The following ZFHX3 variants were observed in gnomAD, a reference collection of about 807,000 sequenced individuals.
ZFHX3 encodes zinc finger homeobox protein 3.
In ZFHX3, 42 loss-of-function variants were observed where a neutral mutation model predicts 279.1. That is an observed-to-expected ratio of 0.15 (90% CI 0.12 to 0.19). ZFHX3 has a LOEUF of 0.19. Ranked by LOEUF, ZFHX3 falls within the 10% of genes least tolerant of loss-of-function variation. The pLI, the probability that ZFHX3 is intolerant of heterozygous loss-of-function variation, is 1.00. For synonymous variants in ZFHX3, 2,293 were observed against 1,957.8 expected (o/e 1.17, Z -4.52); for missense variants, 4,981 against 4,754.0 (o/e 1.05, Z -1.40).
intron 2 of ZFHX3, among the ~76,000 whole-genome samples, chr16:73,557,856 G>A (rs779897893): frequency 2.7e-4 from 41 of 152,134 alleles, no homozygotes; most frequent in Non-Finnish European, 5.3e-4. Context: ...GAGTTGCTCT[G>A]GTTCACACAC....
intron 8 of ZFHX3, among the ~76,000 whole-genome samples, chr16:73,088,547 C>T (rs987084024): frequency 1.3e-5 from 2 of 152,136 alleles, no homozygotes; most frequent in Non-Finnish European, 2.9e-5. Context: ...ATCTGCATGT[C>T]GATTCTAGGT....
chr16:73,726,689 C>A (rs551262134), intron 1 of ZFHX3, among the ~76,000 whole-genome samples: 1 of 152,258 alleles, frequency 6.6e-6, no homozygotes, highest in South Asian at 2.1e-4. Flanking sequence ...CCATCACACG[C>A]AACAGCGGGA....
At chr16:73,715,301 C>G (rs1321648899) in intron 1 of ZFHX3, among the ~76,000 whole-genome samples, 1 of 152,188 alleles carries the variant, frequency 6.6e-6, no homozygotes, top group South Asian at 2.1e-4. Context: ...CAAATGAAAT[C>G]AAGCATGCTG....
At chr16:73,386,480 G>C (rs527963762) in intron 3 of ZFHX3, among the ~76,000 whole-genome samples, 2 of 152,220 alleles carry the variant, frequency 1.3e-5, no homozygotes, top group East Asian at 3.9e-4. Flanking sequence ...TAGTGGTTAC[G>C]TGTAAGACTA....
chr16:73,325,959 G>C (rs968077951), intron 3 of ZFHX3, among the ~76,000 whole-genome samples: 2 of 118,364 alleles, frequency 1.7e-5, no homozygotes, highest in African/African-American at 2.9e-5. Flanking sequence ...ACAGGGGAGA[G>C]TATACTGAGG....
chr16:73,063,456 T>C (rs1965711021), upstream of ZFHX3, among the ~76,000 whole-genome samples: 1 of 152,136 alleles, frequency 6.6e-6, no homozygotes, highest in South Asian at 2.1e-4. Flanking sequence ...CTGGTAGAGA[T>C]GCGGGGTGCG....
At position 72,788,255 on chromosome 16, in the gene ZFHX3, G is replaced by A; in HGVS notation, c.10021C>T (p.Leu3341=). 3 of 1,614,200 alleles carry A rather than the reference G, an allele frequency of 1.9e-6. No individual in the cohort carries two copies. The highest frequency in any genetic ancestry group is 2.5e-6 in the Non-Finnish European group (3 of 1,180,028). ...GACAGTGCAGGGCTGTAGGGGAACA[G>A]GCCTTCCATGCCATACATAGGCTGC... The part of the protein sequence containing the change: ...YLQPMYGMEG[L]FPYSPALSQA... The change falls in exon 10 of 10, where the codon CTG becomes TTG. Residue 3341 remains leucine, a synonymous_variant. Transcript: ENST00000268489.
chr16:72,958,598 A>T lies in ZFHX3; in HGVS notation c.1548T>A (p.Gly516=). 1 of 1,614,076 alleles carries T rather than the reference A, an allele frequency of 6.2e-7. No homozygotes were observed. Among genetic ancestry groups the T allele is most frequent in the Non-Finnish European group, 8.5e-7 (1 of 1,180,004 alleles). Residue 516 remains glycine, a synonymous_variant, in exon 2 of 10, where the codon GGT becomes GGA. Transcript: ENST00000268489. ...GAGCAAGGTCCTTTTTGCTGCTACT[A>T]CCTGCTGCGGCCCCAGGCTCCTCAT... ...RPHEEPGAAA[G]SSSKKDLALS...
At position 73,344,996 on chromosome 16, in the gene ZFHX3, C is replaced by T. The variant is rs940305626; in HGVS notation, c.-1290-26660G>A. On this transcript the variant is annotated intron_variant, in intron 3 of 17. Coordinates refer to the ZFHX3 transcript ENST00000641206. The stretch of plus-strand genomic sequence containing the variant: ...CTGGGTCCCTTGGGCCTTTGTTTTT[C>T]AAGCTGCACCAACTTGCCCTGTATC... 2.6e-5 allele frequency among the ~76,000 whole-genome samples: 4 copies of T among 152,132 alleles called. No homozygotes were observed. The East Asian group carries it at 7.7e-4, about 29-fold the overall frequency.
At chr16:73,314,550 A>G (rs768736540) in intron 4 of ZFHX3, among the ~76,000 whole-genome samples, 35 of 152,254 alleles carry the variant, frequency 2.3e-4, no homozygotes, top group Admixed American at 3.9e-4. Context: ...GTGCTCCTAC[A>G]TGGCATTCTC....
At chr16:73,200,512 T>C (rs1265880736) in intron 5 of ZFHX3, among the ~76,000 whole-genome samples, 1 of 152,180 alleles carries the variant, frequency 6.6e-6, no homozygotes, top group Non-Finnish European at 1.5e-5. Flanking sequence ...CAAAATGATA[T>C]TAAATAAAAG....
chr16:73,297,685 T>A (rs187795319), intron 4 of ZFHX3, among the ~76,000 whole-genome samples: 1 of 152,116 alleles, frequency 6.6e-6, no homozygotes, highest in Non-Finnish European at 1.5e-5. Flanking sequence ...GTAAGGAGAA[T>A]GCTGATGAGC....
rs553720752 is a variant in ZFHX3 at position 73,626,048 on chromosome 16, G to A, written c.-1547+54132C>T. ...AATTTTTCTATTTTTAGTAGAGACGGGGTTTCATCGTGTTAGCCAGGATGG... is the reference window on the plus strand; with the variant it reads ...AATTTTTCTATTTTTAGTAGAGACGAGGTTTCATCGTGTTAGCCAGGATGG... On this transcript the variant is annotated intron_variant, in intron 2 of 17. Transcript: ENST00000641206. 1.1e-3 allele frequency among the ~76,000 whole-genome samples: 169 copies of A among 152,138 alleles called. 1 individual carries two copies. Among genetic ancestry groups the A allele is most frequent in the Middle Eastern group, 3.4e-3 (1 of 294 alleles).
chr16:72,906,079 C>T (rs1829563869), intron 3 of ZFHX3, among the ~76,000 whole-genome samples: 1 of 152,104 alleles, frequency 6.6e-6, no homozygotes, highest in East Asian at 2.0e-4. Flanking sequence ...TCTGGGATCT[C>T]CAGCCTTCTG....
At chr16:73,278,551 T>C (rs1229230523) in intron 4 of ZFHX3, among the ~76,000 whole-genome samples, 4 of 152,202 alleles carry the variant, frequency 2.6e-5, no homozygotes, top group South Asian at 4.1e-4. Context: ...GAACAAAGCT[T>C]CCACACTGTG....
rs1326022022 is a variant in ZFHX3 at position 73,002,679 on chromosome 16, A to AAT, written c.-49-42487_-49-42486dup. On this transcript the variant is annotated intron_variant, in intron 1 of 9. Transcript: ENST00000268489. ...ATAGATGCTTACAGTAAATATCATA[A>AAT]ATAATTAAAGCTAAGTAGCCTAAGG... 2.6e-5 allele frequency among the ~76,000 whole-genome samples: 4 copies of AAT among 152,292 alleles called. 1 individual carries two copies. Among genetic ancestry groups the AAT allele is most frequent in the Non-Finnish European group, 5.9e-5 (4 of 68,016 alleles).
At chr16:73,257,650 T>C (rs2013696894) in intron 4 of ZFHX3, among the ~76,000 whole-genome samples, 1 of 152,252 alleles carries the variant, frequency 6.6e-6, no homozygotes, top group South Asian at 2.1e-4. Context: ...GAACGATTTA[T>C]GAAAACTTTT....
chr16:73,155,885 A>G lies in ZFHX3; in HGVS notation c.-1103-12054T>C, dbSNP rs560212703. On this transcript the variant is annotated intron_variant, in intron 5 of 17. Transcript: ENST00000641206. The stretch of plus-strand genomic sequence containing the variant: ...ATATATATATGACACATGTCATTAT[A>G]TATAGTACATATGCATATCATACAC... Among the ~76,000 whole-genome samples the G allele has an allele frequency of 5.9e-5, 9 of 152,198 alleles. No homozygotes were observed. The East Asian group carries it at 1.6e-3, about 26-fold the overall frequency.
At chr16:73,502,426 G>C (rs2019255459) in intron 2 of ZFHX3, among the ~76,000 whole-genome samples, 1 of 152,322 alleles carries the variant, frequency 6.6e-6, no homozygotes, top group Admixed American at 6.5e-5. Context: ...CAATTAATAG[G>C]GTCAGAAATG....
Sources: allele counts gnomAD v4.1 joint callset (sites outside exome capture counted in the v4.1 genomes callset), GRCh38; gene constraint gnomAD v4.1.1; transcripts MANE v1.5; gene names NCBI Gene and HGNC (gene_info 2026-07-23, HGNC 2026-07-21).